Variants in LRRTM4 observed in about 807,000 individuals in gnomAD.
LRRTM4 encodes leucine rich repeat transmembrane neuronal 4.
LRRTM4 carries 25 observed loss-of-function variants against 47.6 expected under a neutral mutation model. That is an observed-to-expected ratio of 0.53 (90% CI 0.38 to 0.73). LRRTM4 has a LOEUF of 0.73. Ranked by LOEUF, LRRTM4 falls within the 30% of genes least tolerant of loss-of-function variation. LRRTM4 has a pLI of 0.00. For synonymous variants in LRRTM4, 311 were observed against 269.5 expected, an observed-to-expected ratio of 1.15 and a Z score of -1.51; for missense variants, 638 against 713.4, an observed-to-expected ratio of 0.89 and a Z score of 1.20.
At chr2:77,389,044 T>C (rs1275859713) in intron 3 of LRRTM4, among the ~76,000 whole-genome samples, 1 of 152,048 alleles carries the variant, frequency 6.6e-6, no homozygotes, top group Non-Finnish European at 1.5e-5. Flanking sequence ...TTTTCCATAA[T>C]GTCAAACAAA....
chr2:76,788,027 C>G (rs765027911), intron 3 of LRRTM4, among the ~76,000 whole-genome samples: 2 of 151,990 alleles, frequency 1.3e-5, no homozygotes, highest in Non-Finnish European at 2.9e-5. Flanking sequence ...ACAATTAGAA[C>G]CTTCTCTGGT....
intron 3 of LRRTM4, among the ~76,000 whole-genome samples, chr2:77,509,504 G>A (rs868725384): frequency 1.9e-4 from 29 of 152,080 alleles, no homozygotes; most frequent in Admixed American, 5.9e-4. Flanking sequence ...GACAAGGGAC[G>A]GAAAGGTCAT....
chr2:77,010,894 C>A (rs562281666), intron 3 of LRRTM4, among the ~76,000 whole-genome samples: 1 of 152,202 alleles, frequency 6.6e-6, no homozygotes, highest in South Asian at 2.1e-4. Flanking sequence ...GGTGATTTTA[C>A]TTCACCATTC....
chr2:77,077,100 T>C (rs957736300), intron 3 of LRRTM4, among the ~76,000 whole-genome samples: 4 of 152,208 alleles, frequency 2.6e-5, no homozygotes, highest in Non-Finnish European at 1.5e-5. Context: ...TCCTGTGTAT[T>C]AGAATGTACA....
chr2:76,896,099 C>T (rs1170033620), intron 3 of LRRTM4, among the ~76,000 whole-genome samples: 2 of 151,992 alleles, frequency 1.3e-5, no homozygotes, highest in African/African-American at 4.8e-5. Flanking sequence ...TTATTTATTA[C>T]ATAGATGAAC....
At chr2:77,317,381 A>C (rs1171172272) in intron 3 of LRRTM4, among the ~76,000 whole-genome samples, 1 of 152,196 alleles carries the variant, frequency 6.6e-6, no homozygotes, top group Non-Finnish European at 1.5e-5. Flanking sequence ...AGGAATTAAA[A>C]TAAATATTTC....
intron 3 of LRRTM4, among the ~76,000 whole-genome samples, chr2:76,788,581 A>C (rs1005028651): frequency 6.6e-6 from 1 of 152,238 alleles, no homozygotes; most frequent in Admixed American, 6.5e-5. Context: ...ATTTCAGAAT[A>C]AGTGCAAGGA....
chr2:77,438,090 G>T lies in LRRTM4; in HGVS notation c.1551+80228C>A, dbSNP rs79770031. Among the ~76,000 whole-genome samples, 1,407 of 152,132 alleles carry T rather than the reference G, an allele frequency of 9.2e-3. 23 individuals carry two copies. The highest frequency in any genetic ancestry group is 0.032 in the African/African-American group (1,339 of 41,496). On this transcript the variant is annotated intron_variant, in intron 3 of 3. Transcript: ENST00000409884. ...GTAGTGAATATATTCTTATTTCAGA[G>T]TCTATAAAATGTTATTTACAAAGTA... is the stretch of plus-strand genomic sequence containing the variant.
chr2:77,050,073 A>C (rs1177434826), intron 3 of LRRTM4, among the ~76,000 whole-genome samples: 1 of 152,024 alleles, frequency 6.6e-6, no homozygotes, highest in Non-Finnish European at 1.5e-5. Context: ...AGCAGAGGTC[A>C]GAAAGAGTAC....
intron 3 of LRRTM4, among the ~76,000 whole-genome samples, chr2:77,190,213 C>T (rs1007362212): frequency 6.6e-6 from 1 of 150,764 alleles, no homozygotes; most frequent in Non-Finnish European, 1.5e-5. Context: ...TCTATCAATT[C>T]ATTTGTATAT....
intron 3 of LRRTM4, among the ~76,000 whole-genome samples, chr2:77,050,854 AAG>A (rs1679407855): frequency 6.6e-6 from 1 of 152,162 alleles, no homozygotes; most frequent in South Asian, 2.1e-4. Flanking sequence ...CAGCCAGAGT[AAG>A]AACTTCTCAG....
At chr2:77,202,131 A>G (rs1209319357) in intron 3 of LRRTM4, among the ~76,000 whole-genome samples, 2 of 152,140 alleles carry the variant, frequency 1.3e-5, no homozygotes, top group African/African-American at 4.8e-5. Context: ...TGTCAGTAAC[A>G]GTGAAAGAGT....
intron 3 of LRRTM4, among the ~76,000 whole-genome samples, chr2:77,313,402 C>T (rs1366276464): frequency 6.6e-6 from 1 of 152,002 alleles, no homozygotes; most frequent in African/African-American, 2.4e-5. Flanking sequence ...ATGTGCCTCC[C>T]TACGTTTTCC....
chr2:77,162,145 C>A (rs1672746951), intron 3 of LRRTM4, among the ~76,000 whole-genome samples: 2 of 152,170 alleles, frequency 1.3e-5, no homozygotes, highest in Non-Finnish European at 2.9e-5. Flanking sequence ...TTCCAATGGT[C>A]TTAGCAAATG....
intron 3 of LRRTM4, among the ~76,000 whole-genome samples, chr2:76,753,253 A>G (rs1478511387): frequency 6.6e-6 from 1 of 152,200 alleles, no homozygotes; most frequent in African/African-American, 2.4e-5. Context: ...ATTGACCTCT[A>G]TAAATTTCAG....
At chr2:77,042,369 A>C (rs1285659326) in intron 3 of LRRTM4, among the ~76,000 whole-genome samples, 2 of 151,700 alleles carry the variant, frequency 1.3e-5, no homozygotes, top group Middle Eastern at 3.2e-3. Flanking sequence ...TTCTGTGTTC[A>C]ATGTTACACT....
chr2:77,420,434 G>A (rs981740092), intron 3 of LRRTM4, among the ~76,000 whole-genome samples: 1 of 152,064 alleles, frequency 6.6e-6, no homozygotes, highest in Non-Finnish European at 1.5e-5. Flanking sequence ...TTAGCAGGAG[G>A]TTAGAAATTT....
chr2:76,920,806 T>G (rs1674409073), intron 3 of LRRTM4, among the ~76,000 whole-genome samples: 1 of 152,142 alleles, frequency 6.6e-6, no homozygotes. Context: ...CCCATTATTA[T>G]AGGTCCTATC....
intron 3 of LRRTM4, among the ~76,000 whole-genome samples, chr2:77,083,854 G>C (rs1680618307): frequency 1.5e-5 from 2 of 130,722 alleles, no homozygotes; most frequent in South Asian, 4.9e-4. Flanking sequence ...GCCCAGGCTG[G>C]AGTGCAATGG....
Sources: allele counts gnomAD v4.1 joint callset (sites outside exome capture counted in the v4.1 genomes callset), GRCh38; gene constraint gnomAD v4.1.1; transcripts MANE v1.5; gene names NCBI Gene and HGNC (gene_info 2026-07-23, HGNC 2026-07-21).